The following PPP2R3C variants were observed in gnomAD, a reference collection of about 807,000 sequenced individuals.
The protein encoded by PPP2R3C is protein phosphatase 2 regulatory subunit B''gamma.
Under a neutral mutation model 63.7 loss-of-function variants are expected in PPP2R3C, and 47 were observed. The ratio of observed to expected loss-of-function variants is 0.74; its 90% CI spans 0.58 to 0.94. The LOEUF is 0.94. Among genes scored for constraint, PPP2R3C ranks in the 40% least tolerant of loss-of-function variants. PPP2R3C has a pLI of 0.00. For missense variants in PPP2R3C, 421 were observed against 518.4 expected, an observed-to-expected ratio of 0.81 and a Z score of 1.82; for synonymous variants, 180 against 177.4, an observed-to-expected ratio of 1.01 and a Z score of -0.12.
chr14:35,111,790 T>G (rs1418800467), intron 2 of PPP2R3C, among the ~76,000 whole-genome samples: 1 of 152,158 alleles, frequency 6.6e-6, no homozygotes, highest in East Asian at 1.9e-4. Flanking sequence ...GGACCAGGAC[T>G]GTTTTTCTAT....
chr14:35,087,212 A>G (rs2045633463), intron 12 of PPP2R3C: 1 of 152,198 alleles, frequency 6.6e-6, no homozygotes, highest in Non-Finnish European at 1.5e-5. Flanking sequence ...ACAGGGAATT[A>G]GTACATGTTT....
chr14:35,089,813 C>T (rs574145905), intron 11 of PPP2R3C, among the ~76,000 whole-genome samples: 3 of 150,818 alleles, frequency 2.0e-5, no homozygotes, highest in Non-Finnish European at 4.4e-5. Context: ...CTATAGGCGC[C>T]CGCCACCACG....
intron 1 of PPP2R3C, among the ~76,000 whole-genome samples, chr14:35,118,417 A>C (rs1407964469): frequency 2.0e-5 from 3 of 152,168 alleles, no homozygotes; most frequent in Admixed American, 1.3e-4. Flanking sequence ...ACACTGATGA[A>C]GGAACCAGAC....
intron 5 of PPP2R3C, 145 bp from the exon 6 acceptor site, chr14:35,107,519 A>G (rs2046402062): frequency 3.1e-6 from 2 of 643,870 alleles, no homozygotes. Context: ...GAAACAAAAA[A>G]CCATAGAATG....
chr14:35,092,251 G>GT (rs2045845464), intron 10 of PPP2R3C, among the ~76,000 whole-genome samples: 1 of 151,066 alleles, frequency 6.6e-6, no homozygotes, highest in Non-Finnish European at 1.5e-5. Context: ...TAAATTCTTT[G>GT]TAGAGATGGG....
chr14:35,116,786 T>A, intron 1 of PPP2R3C, 49 bp from the exon 2 acceptor site: 1 of 1,426,674 alleles, frequency 7.0e-7, no homozygotes, highest in Non-Finnish European at 9.4e-7. Flanking sequence ...CAAGCAGTAC[T>A]TTTACTCAGG....
At chr14:35,097,780 GGCT>G (rs965490888) in intron 7 of PPP2R3C, among the ~76,000 whole-genome samples, 1 of 151,608 alleles carries the variant, frequency 6.6e-6, no homozygotes, top group African/African-American at 2.4e-5. Context: ...CACTGCGCCT[GGCT>G]GCTGCTGCTT....
chr14:35,098,055 C>G (rs904474789), intron 7 of PPP2R3C, among the ~76,000 whole-genome samples: 1 of 152,050 alleles, frequency 6.6e-6, no homozygotes, highest in Non-Finnish European at 1.5e-5. Context: ...GCTTAGCATA[C>G]TACATAAGTC....
intron 7 of PPP2R3C, among the ~76,000 whole-genome samples, chr14:35,097,215 C>T (rs931076127): frequency 1.3e-5 from 2 of 150,824 alleles, no homozygotes; most frequent in Admixed American, 6.6e-5. Flanking sequence ...AACTCCATCC[C>T]CACCCTGCAA....
chr14:35,107,022 A>G (rs556184354), intron 6 of PPP2R3C, among the ~76,000 whole-genome samples: 1 of 152,262 alleles, frequency 6.6e-6, no homozygotes, highest in African/African-American at 2.4e-5. Flanking sequence ...GAATCAGTAG[A>G]ACCTGTAGGA....
At chr14:35,109,203 C>T (rs2046462427) in intron 4 of PPP2R3C, among the ~76,000 whole-genome samples, 1 of 151,708 alleles carries the variant, frequency 6.6e-6, no homozygotes, top group Non-Finnish European at 1.5e-5. Context: ...ATTACAGGCA[C>T]ACGCCACCAC....
chr14:35,099,071 A>G (rs1251398408), intron 7 of PPP2R3C, 181 bp downstream of exon 7: 1 of 766,584 alleles, frequency 1.3e-6, no homozygotes, highest in African/African-American at 1.8e-5. Context: ...AGATCTTCAG[A>G]TAAACATAAC....
At chr14:35,118,943 C>T (rs1211578726) in intron 1 of PPP2R3C, among the ~76,000 whole-genome samples, 2 of 151,790 alleles carry the variant, frequency 1.3e-5, no homozygotes, top group African/African-American at 2.4e-5. Context: ...TGAGCCACTG[C>T]GCCCAGCCAA....
At chr14:35,096,447 A>C (rs1291635854) in intron 9 of PPP2R3C, 111 bp downstream of exon 9, 2 of 987,422 alleles carry the variant, frequency 2.0e-6, no homozygotes, top group Non-Finnish European at 3.1e-6. Context: ...GCTTAAGGTA[A>C]TTAAATATTT....
chr14:35,116,594 A>G lies in PPP2R3C; in HGVS notation c.186+16T>C. ...ATTTTTAAACTCTGCAGGACATTTGATTAGACACTACTTACCCTATAATAA... is the reference window on the plus strand; with the variant it reads ...ATTTTTAAACTCTGCAGGACATTTGGTTAGACACTACTTACCCTATAATAA... On this transcript the variant is annotated intron_variant, in intron 2 of 12. Coordinates refer to ENST00000261475, the MANE Select transcript of PPP2R3C (RefSeq NM_017917.4). 1 of 1,552,664 alleles carries G rather than the reference A, an allele frequency of 6.4e-7. No individual in the cohort carries two copies. Among genetic ancestry groups the G allele is most frequent in the Non-Finnish European group, 8.7e-7 (1 of 1,151,768 alleles).
chr14:35,108,350 G>T, intron 4 of PPP2R3C, 114 bp from the exon 5 acceptor site: 1 of 1,254,364 alleles, frequency 8.0e-7, no homozygotes, highest in South Asian at 1.7e-5. Context: ...AAGAACAATA[G>T]AGACTCCTTA....
Position 35,089,545 on chromosome 14 carries a change from G to A in PPP2R3C, c.1113+1525C>T, listed in dbSNP as rs558075119. ...TTTTTAAATTTTTTGTAGAAGTTGG[G>A]GTTTCCCTGTGTTGCCCAGGCTGGT... On this transcript the variant is annotated intron_variant, in intron 11 of 12. Transcript: ENST00000261475. Among the ~76,000 whole-genome samples the A allele has an allele frequency of 1.2e-4, 18 of 151,472 alleles. No homozygotes were observed. The East Asian group carries it at 3.3e-3, about 28-fold the overall frequency.
chr14:35,111,373 A>G (rs1485626013), intron 2 of PPP2R3C, among the ~76,000 whole-genome samples: 3 of 151,954 alleles, frequency 2.0e-5, no homozygotes, highest in Non-Finnish European at 2.9e-5. Flanking sequence ...GACCTAACCA[A>G]CTCCATCTTG....
At chr14:35,104,256 G>C (rs1375732046) in intron 6 of PPP2R3C, among the ~76,000 whole-genome samples, 2 of 151,922 alleles carry the variant, frequency 1.3e-5, no homozygotes, top group Non-Finnish European at 2.9e-5. Flanking sequence ...TCTCAAGTTG[G>C]TCTGAACCTT....
Sources: gnomAD v4.1 joint callset for allele counts (sites outside exome capture counted in the v4.1 genomes callset) on GRCh38, gnomAD v4.1.1 for gene constraint, MANE v1.5 for transcripts, NCBI Gene and HGNC (gene_info 2026-07-23, HGNC 2026-07-21) for gene names.